Variants in DHX35 observed in about 807,000 individuals in gnomAD.
DHX35 encodes the protein DEAH-box helicase 35.
In DHX35, 84 loss-of-function variants were observed where a neutral mutation model predicts 99.6. That is an observed-to-expected ratio of 0.84 (90% confidence interval 0.71 to 1.01). DHX35 has a LOEUF of 1.01. Ranked by LOEUF, DHX35 falls within the 50% of genes least tolerant of loss-of-function variation. The pLI, the probability that DHX35 is intolerant of heterozygous loss-of-function variation, is 0.00. For missense variants in DHX35, 852 were observed against 888.5 expected (o/e 0.96, Z 0.52); for synonymous variants, 331 against 316.2 (o/e 1.05, Z -0.50).
At chr20:39,035,221 G>A (rs1403522815) in intron 21 of DHX35, among the ~76,000 whole-genome samples, 6 of 152,222 alleles carry the variant, frequency 3.9e-5, no homozygotes, top group East Asian at 1.9e-4. Context: ...ACAGGCGTGC[G>A]CCACCATGCC....
At chr20:39,009,382 C>T (rs1047239626) in intron 12 of DHX35, among the ~76,000 whole-genome samples, 5 of 150,088 alleles carry the variant, frequency 3.3e-5, no homozygotes, top group Admixed American at 3.3e-4. Flanking sequence ...TGAAGTTTTT[C>T]GGGGATAGTG....
At chr20:39,007,101 C>T (rs977139782) in intron 12 of DHX35, among the ~76,000 whole-genome samples, 2 of 152,212 alleles carry the variant, frequency 1.3e-5, no homozygotes, top group African/African-American at 4.8e-5. Flanking sequence ...CTTAACCAGG[C>T]CCAGGGTTTT....
chr20:39,030,873 C>A, intron 20 of DHX35, 98 bp downstream of exon 20: 1 of 1,366,836 alleles, frequency 7.3e-7, no homozygotes, highest in Non-Finnish European at 1.0e-6. Flanking sequence ...TCTAGAATTG[C>A]TGCTCTGGGC....
intron 14 of DHX35, among the ~76,000 whole-genome samples, chr20:39,016,735 C>A (rs946779564): frequency 6.6e-6 from 1 of 152,066 alleles, no homozygotes; most frequent in African/African-American, 2.4e-5. Context: ...AATGGTATCT[C>A]TTGGTTTTGA....
At chr20:38,969,604 A>T (rs1382308017) in intron 2 of DHX35, among the ~76,000 whole-genome samples, 1 of 152,186 alleles carries the variant, frequency 6.6e-6, no homozygotes, top group Non-Finnish European at 1.5e-5. Flanking sequence ...AACAAGTTTA[A>T]TTGGGAATAT....
chr20:38,975,193 A>G (rs1020520704), intron 3 of DHX35, among the ~76,000 whole-genome samples: 1 of 152,160 alleles, frequency 6.6e-6, no homozygotes, highest in Non-Finnish European at 1.5e-5. Context: ...AGCTAGGGAA[A>G]GGTAGACAGA....
chr20:39,001,964 G>A, intron 9 of DHX35, 122 bp downstream of exon 9: 1 of 804,824 alleles, frequency 1.2e-6, no homozygotes. Flanking sequence ...TGTGTCCCTA[G>A]TCATTGGTCT....
chr20:39,025,507 GA>G, intron 18 of DHX35, 148 bp downstream of exon 18: 1 of 1,044,224 alleles, frequency 9.6e-7, no homozygotes, highest in Non-Finnish European at 1.3e-6. Context: ...CTGCATCTGT[GA>G]AAAGCTGAAG....
At chr20:38,999,922 T>C (rs1248070693) in intron 8 of DHX35, among the ~76,000 whole-genome samples, 2 of 152,224 alleles carry the variant, frequency 1.3e-5, no homozygotes, top group East Asian at 3.9e-4. Context: ...ACATCACTTA[T>C]TGAGTGCCAT....
In DHX35 at chr20:39,023,703, G is replaced by A. The variant is rs149661086; in HGVS notation, c.1607G>A (p.Arg536His). ...CATTCTTTCCAGATTCGAGTGCACC[G>A]TAAATTTGCTGTGGAGGAGGGCGAC... ...NQKSHAIRVH[R>H]KFAVEEGDHL... The change falls in exon 17 of 22, where the codon CGT (arginine) becomes CAT (histidine). Residue 536 changes from arginine (R) to histidine (H), a missense_variant. Physicochemically the swap from Arg to His is conservative, Grantham distance 29. Coordinates refer to ENST00000252011, the MANE Select transcript of DHX35 (RefSeq NM_021931.4). 1.4e-5 allele frequency: 23 copies of A among 1,613,812 alleles called. No individual in the cohort carries two copies. The highest frequency in any genetic ancestry group is 1.6e-4 in the Middle Eastern group (1 of 6,084).
At chr20:39,007,759 C>A (rs1438507640) in intron 12 of DHX35, among the ~76,000 whole-genome samples, 1 of 152,068 alleles carries the variant, frequency 6.6e-6, no homozygotes, top group East Asian at 1.9e-4. Flanking sequence ...TAGGCAGAAC[C>A]CAGGGCCTGA....
chr20:39,036,914 A>G (rs1600465344), intron 21 of DHX35, among the ~76,000 whole-genome samples: 1 of 152,112 alleles, frequency 6.6e-6, no homozygotes, highest in African/African-American at 2.4e-5. Context: ...GGGGTTGCCC[A>G]TGTATGGTAG....
At position 38,972,544 on chromosome 20, in the gene DHX35, G is replaced by C; in HGVS notation, c.175-15G>C. 6.5e-7 allele frequency: 1 copy of C among 1,535,842 alleles called. No individual in the cohort carries two copies. The highest frequency in any genetic ancestry group is 9.0e-7 in the Non-Finnish European group (1 of 1,110,180). On this transcript the variant is annotated splice_polypyrimidine_tract_variant and intron_variant, in intron 2 of 21. Coordinates refer to ENST00000252011, the MANE Select transcript of DHX35 (RefSeq NM_021931.4). ...CAATGTATGGCTATTTGCAAGGTGT[G>C]TTATTCTTTTTCAGCTTAGGAATCA...
intron 1 of DHX35, among the ~76,000 whole-genome samples, chr20:38,966,160 C>T (rs1012115022): frequency 6.6e-6 from 1 of 152,162 alleles, no homozygotes; most frequent in Non-Finnish European, 1.5e-5. Flanking sequence ...GGATATCAGC[C>T]TTGTTAAGAT....
intron 2 of DHX35, among the ~76,000 whole-genome samples, chr20:38,971,637 T>G (rs543675430): frequency 6.6e-6 from 1 of 152,338 alleles, no homozygotes; most frequent in East Asian, 1.9e-4. Flanking sequence ...GCTTCTTGTT[T>G]TGTTTTGTTT....
At chr20:38,970,401 G>A (rs1486663930) in intron 2 of DHX35, among the ~76,000 whole-genome samples, 2 of 152,122 alleles carry the variant, frequency 1.3e-5, no homozygotes, top group African/African-American at 2.4e-5. Flanking sequence ...ACTGTCTCTG[G>A]GTTTCTTCCT....
chr20:38,987,590 C>T (rs1403523057), intron 4 of DHX35, among the ~76,000 whole-genome samples: 1 of 151,704 alleles, frequency 6.6e-6, no homozygotes, highest in Non-Finnish European at 1.5e-5. Context: ...CACTTTTATG[C>T]TTGTTCATTC....
chr20:39,009,667 C>A (rs1228487850), intron 12 of DHX35, among the ~76,000 whole-genome samples: 1 of 152,134 alleles, frequency 6.6e-6, no homozygotes, highest in Non-Finnish European at 1.5e-5. Flanking sequence ...TCTCCTTCCC[C>A]CTCCCTTTCT....
chr20:38,996,547 T>G (rs758799016), intron 8 of DHX35, among the ~76,000 whole-genome samples: 1 of 152,164 alleles, frequency 6.6e-6, no homozygotes, highest in Non-Finnish European at 1.5e-5. Flanking sequence ...ATAAAGATCA[T>G]TCTGAGTGCT....
Sources: gnomAD v4.1 joint callset for allele counts (sites outside exome capture counted in the v4.1 genomes callset) on GRCh38, gnomAD v4.1.1 for gene constraint, MANE v1.5 for transcripts, NCBI Gene and HGNC (gene_info 2026-07-23, HGNC 2026-07-21) for gene names.